The following GAS7 variants were observed in gnomAD, a reference collection of about 807,000 sequenced individuals.
GAS7 encodes the protein growth arrest-specific protein 7.
GAS7 carries 28 observed loss-of-function variants against 71.1 expected under a neutral mutation model. The observed-to-expected ratio is 0.39, with a 90% CI of 0.29 to 0.54. The LOEUF is 0.54. GAS7 is among the 20% of genes least tolerant of loss of function. GAS7 has a pLI of 0.62. For synonymous variants in GAS7, 258 were observed against 245.8 expected (o/e 1.05, Z -0.46); for missense variants, 436 against 627.8 (o/e 0.69, Z 3.27).
chr17:10,184,376 T>C (rs2074437479), intron 1 of GAS7, among the ~76,000 whole-genome samples: 1 of 152,198 alleles, frequency 6.6e-6, no homozygotes, highest in African/African-American at 2.4e-5. Flanking sequence ...GTCCTCGGAT[T>C]AAATATACTC....
chr17:9,921,967 A>C (rs1464470553), intron 11 of GAS7, among the ~76,000 whole-genome samples: 3 of 151,930 alleles, frequency 2.0e-5, no homozygotes, highest in Non-Finnish European at 4.4e-5. Flanking sequence ...TCAAAAAAAA[A>C]AAAAAAAAAG....
rs2067995249 is a variant in GAS7 at position 9,926,245 on chromosome 17, A to G, written c.1014+396T>C. Among the ~76,000 whole-genome samples, 1 of 152,108 alleles carries G rather than the reference A, an allele frequency of 6.6e-6. No homozygotes were observed. Among genetic ancestry groups the G allele is most frequent in the African/African-American group, 2.4e-5 (1 of 41,418 alleles). On this transcript the variant is annotated intron_variant, in intron 10 of 13. Coordinates refer to ENST00000432992, the MANE Select transcript of GAS7 (RefSeq NM_201433.2). This position sits in a 1 kb window ranked among gnomAD's most constrained non-coding sequence, Gnocchi z 5.0. Reference sequence around the variant, plus strand: ...CACCCAGGACTCAGCCTCATCCCTGAGCAGGAAGGAGAGCAGGGAGGCGGT... The same window carrying G: ...CACCCAGGACTCAGCCTCATCCCTGGGCAGGAAGGAGAGCAGGGAGGCGGT...
chr17:9,933,362 A>G (rs1173857566), intron 9 of GAS7, among the ~76,000 whole-genome samples: 1 of 152,176 alleles, frequency 6.6e-6, no homozygotes, highest in Non-Finnish European at 1.5e-5. Context: ...CCAGGCAAAA[A>G]GAAAGCAGGG....
At chr17:10,002,640 T>C in intron 2 of GAS7, among the ~76,000 whole-genome samples, 1 of 152,080 alleles carries the variant, frequency 6.6e-6, no homozygotes, top group Non-Finnish European at 1.5e-5. Context: ...AATTCCCACC[T>C]ATGAGTGAGA....
chr17:9,967,365 C>A (rs2069761086), intron 4 of GAS7, among the ~76,000 whole-genome samples: 1 of 152,138 alleles, frequency 6.6e-6, no homozygotes, highest in Non-Finnish European at 1.5e-5. Context: ...GTGTCCCATG[C>A]CTTGCGAGAT....
Position 10,198,194 on chromosome 17 carries a change from C to T in GAS7, c.183+14G>A. 6.2e-7 allele frequency: 1 copy of T among 1,605,726 alleles called. No individual in the cohort carries two copies. Among genetic ancestry groups the T allele is most frequent in the Non-Finnish European group, 8.5e-7 (1 of 1,178,062 alleles). On this transcript the variant is annotated intron_variant, in intron 1 of 13. Transcript: ENST00000432992. ...GCAGCCCCGGCTCCTACAGCCCCGGCCCTCGCCCCTTACCTCCAGCAACTG... is the reference window on the plus strand; with the variant it reads ...GCAGCCCCGGCTCCTACAGCCCCGGTCCTCGCCCCTTACCTCCAGCAACTG...
chr17:9,964,035 T>C (rs2069607119), intron 4 of GAS7, among the ~76,000 whole-genome samples: 1 of 152,104 alleles, frequency 6.6e-6, no homozygotes, highest in South Asian at 2.1e-4. Context: ...GGTACCTTAT[T>C]ATATATTCCC....
intron 2 of GAS7, among the ~76,000 whole-genome samples, chr17:10,008,184 A>C (rs903959851): frequency 2.7e-5 from 4 of 146,292 alleles, no homozygotes; most frequent in African/African-American, 1.1e-4. Context: ...TGCTCCTCTG[A>C]ACTGAGCATG....
chr17:10,095,559 T>C (rs973586168), intron 1 of GAS7, among the ~76,000 whole-genome samples: 11 of 152,142 alleles, frequency 7.2e-5, no homozygotes, highest in East Asian at 3.9e-4. Context: ...CAGTGGCTCA[T>C]GCCTGTAATC....
chr17:9,971,288 G>A (rs2069950120), intron 3 of GAS7, among the ~76,000 whole-genome samples: 1 of 152,124 alleles, frequency 6.6e-6, no homozygotes, highest in Admixed American at 6.5e-5. Context: ...TGGCCAGGGG[G>A]CAGTGGCTCA....
At chr17:10,046,674 T>C (rs1309398320) in intron 1 of GAS7, among the ~76,000 whole-genome samples, 3 of 147,156 alleles carry the variant, frequency 2.0e-5, no homozygotes, top group East Asian at 4.0e-4. Context: ...AGTCGGAGGT[T>C]GCAGTGAGCC....
At chr17:9,927,184 C>A (rs1314103891) in intron 9 of GAS7, among the ~76,000 whole-genome samples, 2 of 151,834 alleles carry the variant, frequency 1.3e-5, no homozygotes, top group African/African-American at 4.8e-5. Context: ...CACGGTGGCT[C>A]ATGCCTGTAA....
chr17:10,067,403 C>T (rs1311828265), intron 1 of GAS7, among the ~76,000 whole-genome samples: 1 of 152,140 alleles, frequency 6.6e-6, no homozygotes, highest in Non-Finnish European at 1.5e-5. Context: ...TGCCACCACA[C>T]CTGGCTAATT....
intron 1 of GAS7, among the ~76,000 whole-genome samples, chr17:10,109,064 CTATT>C (rs1198004805): frequency 6.6e-6 from 1 of 151,964 alleles, no homozygotes; most frequent in Non-Finnish European, 1.5e-5. Context: ...TATTTGAAAA[CTATT>C]TATCTGATGA....
chr17:10,078,088 T>G (rs1460796008), intron 1 of GAS7, among the ~76,000 whole-genome samples: 5 of 148,686 alleles, frequency 3.4e-5, no homozygotes, highest in Non-Finnish European at 7.4e-5. Context: ...TGTTTTGTTT[T>G]GTTTTGTTTT....
At chr17:10,006,093 C>G (rs1176626496) in intron 2 of GAS7, among the ~76,000 whole-genome samples, 1 of 152,118 alleles carries the variant, frequency 6.6e-6, no homozygotes, top group Non-Finnish European at 1.5e-5. Context: ...GGCCAGCACA[C>G]TCATCCTAAC....
At chr17:9,986,863 C>G (rs563820201) in intron 2 of GAS7, among the ~76,000 whole-genome samples, 13 of 152,334 alleles carry the variant, frequency 8.5e-5, no homozygotes, top group Non-Finnish European at 1.6e-4. Flanking sequence ...CACTGTGAGC[C>G]TGGGGCAGGG....
chr17:9,979,277 C>A (rs2070322009), intron 3 of GAS7, among the ~76,000 whole-genome samples: 1 of 152,144 alleles, frequency 6.6e-6, no homozygotes, highest in Admixed American at 6.5e-5. Context: ...GGAAATACTA[C>A]CCCAGCACCC....
intron 5 of GAS7, among the ~76,000 whole-genome samples, chr17:9,956,612 C>A (rs993350130): frequency 5.9e-5 from 9 of 152,154 alleles, no homozygotes; most frequent in Admixed American, 1.3e-4. Flanking sequence ...GAAACAAGAC[C>A]CAGCAAGGCT....
Sources: gnomAD v4.1 joint callset for allele counts (sites outside exome capture counted in the v4.1 genomes callset) on GRCh38, gnomAD v4.1.1 for gene constraint, Gnocchi (gnomAD v3.1) non-coding constraint, MANE v1.5 for transcripts, NCBI Gene and HGNC (gene_info 2026-07-23, HGNC 2026-07-21) for gene names.